The following PHF2 variants were observed in gnomAD, a reference collection of about 807,000 sequenced individuals.
PHF2 encodes the protein lysine-specific demethylase PHF2.
In PHF2, 27 loss-of-function variants were observed where a neutral mutation model predicts 120.5. That is an observed-to-expected ratio of 0.22 (90% CI 0.17 to 0.31). The LOEUF (loss-of-function observed/expected upper bound fraction) is 0.31, where lower values mean the gene tolerates loss of function less well. Ranked by LOEUF, PHF2 falls within the 10% of genes least tolerant of loss-of-function variation. The probability of loss-of-function intolerance (pLI) is 1.00; values close to 1 mark genes in which losing one functional copy is unlikely to be tolerated. For synonymous variants in PHF2, 568 were observed against 592.5 expected (o/e 0.96, Z 0.60); for missense variants, 1,024 against 1,434.8 (o/e 0.71, Z 4.63).
At chr9:93,674,858 C>T (rs1826879050) in intron 18 of PHF2, 69 bp from the exon 19 acceptor site, 2 of 1,100,320 alleles carry the variant, frequency 1.8e-6, no homozygotes, top group Non-Finnish European at 2.8e-6. Flanking sequence ...GCCACCTGTA[C>T]CCCCCCGCCC....
chr9:93,577,001 C>A, intron 1 of PHF2, 130 bp downstream of exon 1: 1 of 218,090 alleles, frequency 4.6e-6, no homozygotes, highest in Non-Finnish European at 7.6e-6. Flanking sequence ...CCGCCGCATT[C>A]CGGGCGCCCC....
intron 1 of PHF2, among the ~76,000 whole-genome samples, chr9:93,584,804 T>C (rs2131598342): frequency 6.6e-6 from 1 of 152,372 alleles, no homozygotes; most frequent in African/African-American, 2.4e-5. Flanking sequence ...TGATAGGGAT[T>C]GTGTTCAGCC....
rs12335855 is a variant in PHF2, at chr9:93,677,205, C to T, written c.3202+242C>T. Among the ~76,000 whole-genome samples the T allele has an allele frequency of 0.13, 19,095 of 151,068 alleles. 1,366 individuals carry two copies. The highest frequency in any genetic ancestry group is 0.17 in the Non-Finnish European group (11,372 of 67,806). ...GTGCTCAGCCCCTGATCTGCCTGCA[C>T]CCCTGCACCCCAGCCGTGGGGCCGG... On this transcript the variant is annotated intron_variant, in intron 21 of 21. Transcript: ENST00000359246. The surrounding 1 kb of genome is among the most constrained non-coding windows in gnomAD (Gnocchi z 4.4).
intron 2 of PHF2, among the ~76,000 whole-genome samples, chr9:93,635,701 T>C (rs923712124): frequency 2.6e-5 from 4 of 152,180 alleles, no homozygotes; most frequent in African/African-American, 9.7e-5. Flanking sequence ...CATATGTGTG[T>C]GCCTGCATTG....
chr9:93,649,941 GAC>G (rs1211656078), intron 5 of PHF2, among the ~76,000 whole-genome samples: 1 of 151,802 alleles, frequency 6.6e-6, no homozygotes, highest in Non-Finnish European at 1.5e-5. Context: ...TCATAGACAT[GAC>G]ACACTAGTGG....
At chr9:93,623,799 A>G (rs1019110351) in intron 1 of PHF2, among the ~76,000 whole-genome samples, 1 of 152,214 alleles carries the variant, frequency 6.6e-6, no homozygotes, top group African/African-American at 2.4e-5. Context: ...TATATTTTCA[A>G]AAACAATTTG....
At chr9:93,593,055 C>G (rs1825257987) in intron 1 of PHF2, among the ~76,000 whole-genome samples, 1 of 131,366 alleles carries the variant, frequency 7.6e-6, no homozygotes, top group Non-Finnish European at 1.5e-5. Context: ...TTTCCACATC[C>G]TAATCTTTGC....
At chr9:93,627,521 T>A (rs2131647027) in intron 1 of PHF2, among the ~76,000 whole-genome samples, 1 of 148,116 alleles carries the variant, frequency 6.8e-6, no homozygotes, top group Non-Finnish European at 1.5e-5. Context: ...CTAATTGCTC[T>A]GGCTAGAACT....
intron 1 of PHF2, among the ~76,000 whole-genome samples, chr9:93,611,168 C>T (rs967153000): frequency 6.6e-6 from 1 of 152,058 alleles, no homozygotes; most frequent in African/African-American, 2.4e-5. Context: ...GTAATCCCAG[C>T]ACTTTGGGAG....
At chr9:93,662,774 G>A in intron 12 of PHF2, 133 bp from the exon 13 acceptor site, 1 of 946,134 alleles carries the variant, frequency 1.1e-6, no homozygotes. Flanking sequence ...GTGAATGGAT[G>A]CGTGGATGGG....
At chr9:93,583,834 T>C (rs1037572852) in intron 1 of PHF2, among the ~76,000 whole-genome samples, 29 of 150,042 alleles carry the variant, frequency 1.9e-4, no homozygotes, top group African/African-American at 6.6e-4. Flanking sequence ...TTCTTTTTTT[T>C]TTTTTTTTTT....
At chr9:93,582,790 T>C (rs1278212727) in intron 1 of PHF2, among the ~76,000 whole-genome samples, 1 of 152,254 alleles carries the variant, frequency 6.6e-6, no homozygotes, top group Non-Finnish European at 1.5e-5. Flanking sequence ...AGGCGTGTCT[T>C]GAAGGAAGCA....
chr9:93,663,486 G>A (rs767737082), intron 13 of PHF2, 31 bp from the exon 14 acceptor site: 3 of 1,394,052 alleles, frequency 2.2e-6, no homozygotes, highest in Non-Finnish European at 3.0e-6. Context: ...TCTGTGTGGG[G>A]CTCAGGGACG....
chr9:93,664,416 G>A (rs1024458608), intron 14 of PHF2, among the ~76,000 whole-genome samples: 3 of 152,202 alleles, frequency 2.0e-5, no homozygotes, highest in Non-Finnish European at 4.4e-5. Flanking sequence ...TGCTCCCGGT[G>A]CGTGGGACAT....
At chr9:93,615,185 TGGC>T (rs1286458512) in intron 1 of PHF2, among the ~76,000 whole-genome samples, 9 of 127,254 alleles carry the variant, frequency 7.1e-5, no homozygotes, top group South Asian at 4.8e-4. Context: ...GTAATGGTGA[TGGC>T]GATGGTGATG....
Position 93,677,474 on chromosome 9 carries a change from G to T in PHF2, c.3203-114G>T. On this transcript the variant is annotated intron_variant, in intron 21 of 21. Coordinates refer to ENST00000359246, the MANE Select transcript of PHF2 (RefSeq NM_005392.4). This position sits in a 1 kb window ranked among gnomAD's most constrained non-coding sequence, Gnocchi z 4.4. ...GCTTCATAGGCCCATTTTACAGATGGGGGACTGCAGGCTGCCCCTTAGTGT... is the reference window on the plus strand; with the variant it reads ...GCTTCATAGGCCCATTTTACAGATGTGGGACTGCAGGCTGCCCCTTAGTGT... 1 of 749,924 alleles carries T rather than the reference G, an allele frequency of 1.3e-6. No individual in the cohort carries two copies. Among genetic ancestry groups the T allele is most frequent in the Non-Finnish European group, 2.3e-6 (1 of 429,026 alleles). The allele number at this position is 749,924 out of a possible 1,614,324, so 46.5% of individuals were successfully genotyped here.
intron 3 of PHF2, among the ~76,000 whole-genome samples, chr9:93,642,748 C>T (rs1826190548): frequency 6.6e-6 from 1 of 152,116 alleles, no homozygotes; most frequent in Non-Finnish European, 1.5e-5. Flanking sequence ...AGTCACATGT[C>T]AATTCTGAAA....
chr9:93,654,314 G>T, intron 6 of PHF2, 99 bp from the exon 7 acceptor site: 1 of 1,113,978 alleles, frequency 9.0e-7, no homozygotes, highest in South Asian at 1.4e-5. Flanking sequence ...CGGGAGTCGT[G>T]GACCTGGGCA....
chr9:93,664,415 T>C (rs1013940944), intron 14 of PHF2, among the ~76,000 whole-genome samples: 5 of 152,112 alleles, frequency 3.3e-5, no homozygotes, highest in Admixed American at 1.3e-4. Context: ...GTGCTCCCGG[T>C]GCGTGGGACA....
Sources: allele counts gnomAD v4.1 joint callset (sites outside exome capture counted in the v4.1 genomes callset), GRCh38; gene constraint gnomAD v4.1.1; non-coding constraint Gnocchi (gnomAD v3.1); transcripts MANE v1.5; gene names NCBI Gene and HGNC (gene_info 2026-07-23, HGNC 2026-07-21).